Variants in FGF1 observed in about 807,000 individuals in gnomAD.
FGF1 encodes beta-endothelial cell growth factor.
In FGF1, 9 loss-of-function variants were observed where a neutral mutation model predicts 13.4. That is an observed-to-expected ratio of 0.67 (90% CI 0.40 to 1.17). FGF1 has a LOEUF of 1.17. FGF1 is among the 50% of genes most tolerant of loss of function. The probability of loss-of-function intolerance (pLI) is 0.01; values close to 1 mark genes in which losing one functional copy is unlikely to be tolerated. For missense variants in FGF1, 156 were observed against 192.7 expected, an observed-to-expected ratio of 0.81 and a Z score of 1.13; for synonymous variants, 93 against 79.0, an observed-to-expected ratio of 1.18 and a Z score of -0.94.
chr5:142,597,934 G>C (rs1561506620), intron 3 of FGF1, among the ~76,000 whole-genome samples: 1 of 152,178 alleles, frequency 6.6e-6, no homozygotes, highest in Non-Finnish European at 1.5e-5. Context: ...TTCTTAGTAA[G>C]GAACTGTGTA....
chr5:142,678,729 G>C (rs1773130892), intron 1 of FGF1, among the ~76,000 whole-genome samples: 1 of 152,242 alleles, frequency 6.6e-6, no homozygotes, highest in South Asian at 2.1e-4. Flanking sequence ...AGAGAGGCTA[G>C]ATTTATAAGA....
intron 2 of FGF1, among the ~76,000 whole-genome samples, chr5:142,604,965 T>A (rs1317842693): frequency 6.6e-6 from 1 of 152,192 alleles, no homozygotes; most frequent in Non-Finnish European, 1.5e-5. Context: ...AGCCATGGAA[T>A]GGAGTGAGGT....
intron 1 of FGF1, among the ~76,000 whole-genome samples, chr5:142,628,954 T>C (rs1762893887): frequency 6.6e-6 from 1 of 152,112 alleles, no homozygotes. Flanking sequence ...TGGGCTCTTA[T>C]GAAGTTTGAT....
chr5:142,639,753 G>T (rs1276509590), intron 1 of FGF1, among the ~76,000 whole-genome samples: 1 of 151,990 alleles, frequency 6.6e-6, no homozygotes, highest in African/African-American at 2.4e-5. Context: ...ATAATGTTGC[G>T]AGGTGATGGA....
intron 1 of FGF1, among the ~76,000 whole-genome samples, chr5:142,646,658 A>AT (rs1207676068): frequency 1.3e-5 from 2 of 149,922 alleles, no homozygotes; most frequent in East Asian, 2.0e-4. Context: ...GCCCCGGCTA[A>AT]TTTTTTATAG....
intron 1 of FGF1, among the ~76,000 whole-genome samples, chr5:142,625,617 A>C (rs1762333408): frequency 6.6e-6 from 1 of 152,220 alleles, no homozygotes. Flanking sequence ...GCCCTGGGCC[A>C]TCCTGAAGAC....
chr5:142,636,869 C>T (rs1764334046), intron 1 of FGF1, among the ~76,000 whole-genome samples: 2 of 152,002 alleles, frequency 1.3e-5, no homozygotes, highest in Admixed American at 1.3e-4. Flanking sequence ...CCAGGCTACA[C>T]AGGGTCCTGT....
chr5:142,636,134 C>T (rs1764210671), intron 1 of FGF1, among the ~76,000 whole-genome samples: 1 of 152,232 alleles, frequency 6.6e-6, no homozygotes, highest in African/African-American at 2.4e-5. Flanking sequence ...GGATTTTCTG[C>T]TTCTGCAGTG....
chr5:142,616,063 A>C (rs1760161740), intron 1 of FGF1, among the ~76,000 whole-genome samples: 1 of 152,212 alleles, frequency 6.6e-6, no homozygotes, highest in Non-Finnish European at 1.5e-5. Flanking sequence ...AGCATCATGG[A>C]AGACCAGCAG....
At chr5:142,663,419 G>C (rs1769660825) in intron 1 of FGF1, among the ~76,000 whole-genome samples, 1 of 152,214 alleles carries the variant, frequency 6.6e-6, no homozygotes, top group Non-Finnish European at 1.5e-5. Flanking sequence ...GGAAGTCTTT[G>C]AGAAGATGGG....
In FGF1 at chr5:142,640,428, G is replaced by C. The variant is rs865791365; in HGVS notation, c.-34-26267C>G. Among the ~76,000 whole-genome samples the C allele has an allele frequency of 2.8e-5, 4 of 142,322 alleles. 1 individual carries two copies. The highest frequency in any genetic ancestry group is 2.3e-4 in the Admixed American group (3 of 13,014). 93.4% of individuals were successfully genotyped at this position (142,322 alleles called of 152,430 possible). A position where few individuals can be genotyped will look rare whatever the true frequency, so the allele number is the denominator to read the frequency against. On this transcript the variant is annotated intron_variant, in intron 1 of 3. Coordinates refer to ENST00000337706, the MANE Select transcript of FGF1 (RefSeq NM_000800.5). ...GTGCACCAGGAGGTGGAGTATGGTG[G>C]GGGGGGGGGTCTCTCTGAGAAGCGG...
chr5:142,595,068 A>G lies in FGF1; in HGVS notation c.*222T>C, dbSNP rs1754969175. On this transcript the variant is annotated 3_prime_UTR_variant, in exon 4 of 4. Coordinates refer to ENST00000337706, the MANE Select transcript of FGF1 (RefSeq NM_000800.5). ...AAACCCAGACCCAGACTGGCCAGCC[A>G]GTTGACTCCTAGAAGCAATTTGGTC... 2.2e-6 allele frequency: 1 copy of G among 451,032 alleles called. No homozygotes were observed. The highest frequency in any genetic ancestry group is 3.9e-6 in the Non-Finnish European group (1 of 256,334). 27.9% of individuals were successfully genotyped at this position (451,032 alleles called of 1,614,324 possible).
At chr5:142,617,836 G>A (rs191841168) in intron 1 of FGF1, among the ~76,000 whole-genome samples, 16 of 152,142 alleles carry the variant, frequency 1.1e-4, no homozygotes, top group African/African-American at 3.1e-4. Context: ...TAGTTTGAGC[G>A]GTAGTTGGTC....
intron 1 of FGF1, among the ~76,000 whole-genome samples, chr5:142,650,600 G>T (rs1296887828): frequency 2.0e-5 from 3 of 152,088 alleles, no homozygotes; most frequent in African/African-American, 7.2e-5. Context: ...CAGGGAGAAT[G>T]ATGCTCATGA....
intron 1 of FGF1, among the ~76,000 whole-genome samples, chr5:142,617,468 C>T (rs936731740): frequency 1.3e-4 from 20 of 152,174 alleles, no homozygotes; most frequent in African/African-American, 4.8e-4. Flanking sequence ...TAAATAACCT[C>T]AGCCAGAGCC....
intron 1 of FGF1, among the ~76,000 whole-genome samples, chr5:142,672,156 A>T (rs147150799): frequency 6.6e-6 from 1 of 152,228 alleles, no homozygotes; most frequent in African/African-American, 2.4e-5. Context: ...ACAGACACAG[A>T]CATAAACAGG....
At chr5:142,622,617 T>C (rs1761828009) in intron 1 of FGF1, among the ~76,000 whole-genome samples, 1 of 152,238 alleles carries the variant, frequency 6.6e-6, no homozygotes, top group Admixed American at 6.5e-5. Flanking sequence ...TCTGAACTTA[T>C]CTAACCAAGA....
rs869093279 is a variant in FGF1 at position 142,618,929 on chromosome 5, G to GTTTTTTT, written c.-34-4775_-34-4769dup. On this transcript the variant is annotated intron_variant, in intron 1 of 3. Transcript: ENST00000337706. ...CTGACATTTATTTTTTAGTTGTTTT[G>GTTTTTTT]TTTTTTTTTTTTTTTTTTTTTTTGA... Among the ~76,000 whole-genome samples the GTTTTTTT allele has an allele frequency of 2.6e-3, 158 of 61,232 alleles. 1 individual carries two copies. Among genetic ancestry groups the GTTTTTTT allele is most frequent in the Non-Finnish European group, 3.3e-3 (111 of 34,006 alleles). 40.2% of individuals were successfully genotyped at this position (61,232 alleles called of 152,430 possible). A position where few individuals can be genotyped will look rare whatever the true frequency, so the allele number is the denominator to read the frequency against.
chr5:142,633,994 C>A lies in FGF1; in HGVS notation c.-34-19833G>T, dbSNP rs1474491928. Among the ~76,000 whole-genome samples, 3 of 149,842 alleles carry A rather than the reference C, an allele frequency of 2.0e-5. No individual in the cohort carries two copies. The East Asian group carries it at 5.9e-4, about 29-fold the overall frequency. On this transcript the variant is annotated intron_variant, in intron 1 of 3. Coordinates refer to ENST00000337706, the MANE Select transcript of FGF1 (RefSeq NM_000800.5). ...GGTCAGGAGATCGAGATCATCCTGG[C>A]TAACACGGTGAAACCCTGTCTCTAC...
Sources: gnomAD v4.1 joint callset for allele counts (sites outside exome capture counted in the v4.1 genomes callset) on GRCh38, gnomAD v4.1.1 for gene constraint, MANE v1.5 for transcripts, NCBI Gene and HGNC (gene_info 2026-07-23, HGNC 2026-07-21) for gene names.